The following ITGBL1 variants were observed in gnomAD, a reference collection of about 807,000 sequenced individuals.
The protein encoded by ITGBL1 is integrin beta-like protein 1.
A neutral mutation model predicts 68.5 loss-of-function variants in ITGBL1; 51 were observed. The ratio of observed to expected loss-of-function variants is 0.74; its 90% CI spans 0.59 to 0.94. ITGBL1 has a LOEUF of 0.94. Ranked by LOEUF, ITGBL1 falls within the 40% of genes least tolerant of loss-of-function variation. The pLI, the probability that ITGBL1 is intolerant of heterozygous loss-of-function variation, is 0.00. For missense variants in ITGBL1, 649 were observed against 647.4 expected, an observed-to-expected ratio of 1.00 and a Z score of -0.03; for synonymous variants, 209 against 227.3, an observed-to-expected ratio of 0.92 and a Z score of 0.72.
chr13:101,710,594 A>C (rs1308251436), intron 9 of ITGBL1, among the ~76,000 whole-genome samples: 4 of 152,182 alleles, frequency 2.6e-5, no homozygotes, highest in Non-Finnish European at 5.9e-5. Flanking sequence ...GACTTGTCCA[A>C]ATTTTCTATC....
At chr13:101,466,128 A>G (rs568724557) in intron 2 of ITGBL1, among the ~76,000 whole-genome samples, 10 of 152,182 alleles carry the variant, frequency 6.6e-5, no homozygotes, top group Non-Finnish European at 1.3e-4. Flanking sequence ...TATCCTGCCA[A>G]TATTGCTAAT....
chr13:101,578,674 A>G (rs1373366565), intron 4 of ITGBL1, among the ~76,000 whole-genome samples: 1 of 152,230 alleles, frequency 6.6e-6, no homozygotes, highest in Non-Finnish European at 1.5e-5. Context: ...CCCCTTGACA[A>G]GTAGAAAGGG....
At chr13:101,667,725 A>C (rs2033256592) in intron 7 of ITGBL1, among the ~76,000 whole-genome samples, 1 of 152,068 alleles carries the variant, frequency 6.6e-6, no homozygotes, top group African/African-American at 2.4e-5. Context: ...TTTTTAAATG[A>C]AAGCTATAAG....
chr13:101,646,450 A>G (rs2032562725), intron 7 of ITGBL1, among the ~76,000 whole-genome samples: 1 of 152,210 alleles, frequency 6.6e-6, no homozygotes, highest in South Asian at 2.1e-4. Flanking sequence ...ATGTATATAT[A>G]AAAGTTCCAT....
intron 8 of ITGBL1, among the ~76,000 whole-genome samples, chr13:101,701,484 A>G (rs1225059659): frequency 6.6e-6 from 1 of 152,110 alleles, no homozygotes; most frequent in Non-Finnish European, 1.5e-5. Flanking sequence ...AGTGAGTCAA[A>G]ATTGCCACTG....
At position 101,598,165 on chromosome 13, in the gene ITGBL1, G is replaced by A; in HGVS notation, c.881G>A (p.Cys294Tyr). 1.9e-6 allele frequency: 3 copies of A among 1,613,216 alleles called. No homozygotes were observed. The highest frequency in any genetic ancestry group is 2.5e-6 in the Non-Finnish European group (3 of 1,179,586). The change falls in exon 7 of 11, where the codon TGT becomes TAT. Residue 294 changes from cysteine (C) to tyrosine (Y), a missense_variant. By Grantham distance (194) the Cys-to-Tyr change is radical (BLOSUM62 -2). Transcript: ENST00000376180. ...SDDFCSGHGQ[C>Y]NCGRCDCKAG... is the part of the protein sequence containing the mutation. ...TCTCACTGTGAAGGTCATGGACAGT[G>A]TAATTGCGGAAGATGTGACTGCAAA...
At chr13:101,482,143 C>G (rs773057169) in intron 2 of ITGBL1, among the ~76,000 whole-genome samples, 3 of 152,132 alleles carry the variant, frequency 2.0e-5, no homozygotes, top group African/African-American at 4.8e-5. Flanking sequence ...GAATGCGACA[C>G]ATTTTCTTTA....
At chr13:101,579,217 A>G in intron 4 of ITGBL1, 70 bp from the exon 5 acceptor site, 2 of 1,536,942 alleles carry the variant, frequency 1.3e-6, no homozygotes, top group Non-Finnish European at 1.8e-6. Flanking sequence ...GATCACAAAG[A>G]GATAGAAAGT....
At chr13:101,555,135 TTG>T (rs1450901996) in intron 2 of ITGBL1, among the ~76,000 whole-genome samples, 2 of 152,222 alleles carry the variant, frequency 1.3e-5, no homozygotes, top group African/African-American at 4.8e-5. Context: ...AATATTAATA[TTG>T]TGTGTTCATC....
At position 101,579,372 on chromosome 13, in the gene ITGBL1, CT is replaced by C. The variant is rs756718516; in HGVS notation, c.673del (p.Trp225GlyfsTer182). 1.3e-5 allele frequency: 21 copies of C among 1,613,922 alleles called. No homozygotes were observed. In the South Asian group the frequency reaches 2.1e-4, roughly 16 times the overall value. ...GTGAATTCCAGTGCGATATCACCCC[CT>C]GGGAAAGCAAGCGAAGATGCACGTC... ...KCEFQCDITP[W>X]ESKRRCTSPD... is the part of the protein sequence containing the mutation. On this transcript the variant is annotated frameshift_variant, in exon 5 of 11. Transcript: ENST00000376180. LOFTEE classifies it high-confidence loss of function.
At chr13:101,649,675 A>G (rs889908583) in intron 7 of ITGBL1, among the ~76,000 whole-genome samples, 2 of 152,182 alleles carry the variant, frequency 1.3e-5, no homozygotes, top group African/African-American at 2.4e-5. Context: ...GTATTGCTCA[A>G]GAGCCTTTGG....
chr13:101,679,009 C>T (rs779518535), intron 7 of ITGBL1, among the ~76,000 whole-genome samples: 13 of 151,820 alleles, frequency 8.6e-5, no homozygotes, highest in Non-Finnish European at 1.3e-4. Flanking sequence ...CTGGATCAAG[C>T]GATTCTCCTG....
At chr13:101,487,041 TG>T (rs1202894374) in intron 2 of ITGBL1, among the ~76,000 whole-genome samples, 1 of 152,220 alleles carries the variant, frequency 6.6e-6, no homozygotes, top group African/African-American at 2.4e-5. Context: ...TCATAAACCT[TG>T]GATTTGTTTT....
At chr13:101,459,821 T>C (rs2048293642) in intron 2 of ITGBL1, among the ~76,000 whole-genome samples, 1 of 152,186 alleles carries the variant, frequency 6.6e-6, no homozygotes, top group Non-Finnish European at 1.5e-5. Context: ...ATTAACAATA[T>C]AACAATTAAA....
chr13:101,648,128 T>C (rs1263798649), intron 7 of ITGBL1, among the ~76,000 whole-genome samples: 1 of 152,136 alleles, frequency 6.6e-6, no homozygotes, highest in East Asian at 1.9e-4. Flanking sequence ...GATAAATTAT[T>C]TCAGGAGAAT....
intron 7 of ITGBL1, among the ~76,000 whole-genome samples, chr13:101,675,090 T>C (rs917973036): frequency 2.0e-5 from 3 of 152,164 alleles, no homozygotes; most frequent in African/African-American, 7.2e-5. Context: ...TTGACAATTT[T>C]TTTCAGAATT....
chr13:101,608,406 A>G (rs564234849), intron 7 of ITGBL1, among the ~76,000 whole-genome samples: 1 of 136,888 alleles, frequency 7.3e-6, no homozygotes, highest in South Asian at 2.3e-4. Flanking sequence ...TGTGTTTTTT[A>G]CTCTATGTAA....
intron 2 of ITGBL1, among the ~76,000 whole-genome samples, chr13:101,566,866 A>G (rs1485858749): frequency 6.6e-6 from 1 of 152,188 alleles, no homozygotes; most frequent in African/African-American, 2.4e-5. Flanking sequence ...TATAGGTCAT[A>G]GACTTTATCG....
intron 7 of ITGBL1, among the ~76,000 whole-genome samples, chr13:101,654,977 A>T (rs1048133547): frequency 2.6e-5 from 4 of 152,184 alleles, no homozygotes; most frequent in African/African-American, 2.4e-5. Context: ...GACCTTGGTG[A>T]TGACAGATTA....
Sources: gnomAD v4.1 joint callset for allele counts (sites outside exome capture counted in the v4.1 genomes callset) on GRCh38, gnomAD v4.1.1 for gene constraint, MANE v1.5 for transcripts, NCBI Gene and HGNC (gene_info 2026-07-23, HGNC 2026-07-21) for gene names.